The following MARCHF1 variants were observed in gnomAD, a reference collection of about 807,000 sequenced individuals.
MARCHF1 encodes the protein membrane associated ring-CH-type finger 1.
Under a neutral mutation model 54.2 loss-of-function variants are expected in MARCHF1, and 40 were observed. The ratio of observed to expected loss-of-function variants is 0.74; its 90% CI spans 0.57 to 0.96. The LOEUF (loss-of-function observed/expected upper bound fraction) is 0.96. Ranked by LOEUF, MARCHF1 falls within the 40% of genes least tolerant of loss-of-function variation. The probability of loss-of-function intolerance (pLI) is 0.00; values close to 1 mark genes in which losing one functional copy is unlikely to be tolerated. For missense variants in MARCHF1, 586 were observed against 656.5 expected, an observed-to-expected ratio of 0.89 and a Z score of 1.17; for synonymous variants, 236 against 236.3, an observed-to-expected ratio of 1.00 and a Z score of 0.01.
chr4:164,166,098 T>G (rs1346476551), intron 1 of MARCHF1, among the ~76,000 whole-genome samples: 1 of 151,946 alleles, frequency 6.6e-6, no homozygotes, highest in Non-Finnish European at 1.5e-5. Context: ...CAAGACACAC[T>G]CCCACTGGAA....
intron 1 of MARCHF1, among the ~76,000 whole-genome samples, chr4:164,269,723 T>C (rs561045294): frequency 2.0e-5 from 3 of 152,162 alleles, no homozygotes; most frequent in African/African-American, 7.2e-5. Flanking sequence ...ACCTGTAAAA[T>C]TGTCTGAGCA....
intron 5 of MARCHF1, among the ~76,000 whole-genome samples, chr4:163,689,209 A>G (rs979808797): frequency 6.6e-6 from 1 of 152,142 alleles, no homozygotes; most frequent in African/African-American, 2.4e-5. Flanking sequence ...AATCTTCAGT[A>G]TTTCTTGTTA....
At chr4:164,315,231 CAAAAAAAAA>C (rs58264322) in intron 1 of MARCHF1, among the ~76,000 whole-genome samples, 2 of 100,680 alleles carry the variant, frequency 2.0e-5, no homozygotes, top group African/African-American at 3.7e-5. Flanking sequence ...GTTAATTTAA[CAAAAAAAAA>C]AAAAAAAAAA....
chr4:163,555,204 A>G (rs995459572), intron 8 of MARCHF1, among the ~76,000 whole-genome samples: 7 of 152,210 alleles, frequency 4.6e-5, no homozygotes, highest in South Asian at 2.1e-4. Context: ...TTAAAATTGC[A>G]AATTCCTAAG....
intron 3 of MARCHF1, among the ~76,000 whole-genome samples, chr4:163,924,355 T>G (rs1038706287): frequency 1.3e-5 from 2 of 151,994 alleles, no homozygotes; most frequent in Non-Finnish European, 1.5e-5. Context: ...AGAAAAATCA[T>G]GAGCTAAGGA....
At chr4:163,604,160 C>A (rs1343513096) in intron 7 of MARCHF1, among the ~76,000 whole-genome samples, 2 of 152,114 alleles carry the variant, frequency 1.3e-5, no homozygotes, top group Non-Finnish European at 2.9e-5. Context: ...CCTAGCTACT[C>A]AAGACTTCCT....
chr4:164,138,914 T>G (rs946254072), intron 1 of MARCHF1, among the ~76,000 whole-genome samples: 6 of 152,330 alleles, frequency 3.9e-5, no homozygotes, highest in African/African-American at 9.6e-5. Flanking sequence ...TGGTAAGGCA[T>G]GGACACAGCC....
At chr4:163,701,769 C>T (rs1373259538) in intron 4 of MARCHF1, among the ~76,000 whole-genome samples, 2 of 151,890 alleles carry the variant, frequency 1.3e-5, no homozygotes, top group African/African-American at 2.4e-5. Flanking sequence ...ATTCTGAATA[C>T]TAAAAGTTTA....
At chr4:163,622,710 G>A (rs918064801) in intron 5 of MARCHF1, among the ~76,000 whole-genome samples, 1 of 152,182 alleles carries the variant, frequency 6.6e-6, no homozygotes, top group African/African-American at 2.4e-5. Context: ...AGGCCAGACA[G>A]CTAAACGTGG....
intron 3 of MARCHF1, among the ~76,000 whole-genome samples, chr4:163,886,779 A>G (rs1314677266): frequency 6.6e-6 from 1 of 152,136 alleles, no homozygotes; most frequent in Non-Finnish European, 1.5e-5. Context: ...CCTTGATGAT[A>G]ATAAAGTCAA....
rs571569990 is a variant in MARCHF1 at position 164,160,181 on chromosome 4, G to A, written c.-322-48519C>T. On this transcript the variant is annotated intron_variant, in intron 1 of 9. Transcript: ENST00000514618. ...GAAATACAGTCATGTGTCACTTAAC[G>A]ATGGGGATATGTTCTGAGAAATGCA... Among the ~76,000 whole-genome samples, 21 of 152,174 alleles carry A rather than the reference G, an allele frequency of 1.4e-4. No individual in the cohort carries two copies. The South Asian group carries it at 3.9e-3, about 29-fold the overall frequency.
intron 8 of MARCHF1, among the ~76,000 whole-genome samples, chr4:163,577,980 A>T (rs1740093896): frequency 1.3e-5 from 2 of 151,944 alleles, no homozygotes; most frequent in South Asian, 4.1e-4. Flanking sequence ...TTAATTTAAA[A>T]CTCAATCATA....
intron 1 of MARCHF1, among the ~76,000 whole-genome samples, chr4:164,166,948 CTTTATA>C (rs1001785646): frequency 4.6e-5 from 7 of 150,844 alleles, no homozygotes; most frequent in African/African-American, 1.2e-4. Flanking sequence ...ATTTATAAAT[CTTTATA>C]TTTATAAATT....
intron 1 of MARCHF1, among the ~76,000 whole-genome samples, chr4:164,173,400 TG>T (rs1235255933): frequency 1.3e-5 from 2 of 152,236 alleles, no homozygotes; most frequent in Non-Finnish European, 2.9e-5. Context: ...TTGTACTGAA[TG>T]TCATAAGTAC....
chr4:164,149,127 G>A (rs964764685), intron 1 of MARCHF1, among the ~76,000 whole-genome samples: 2 of 152,146 alleles, frequency 1.3e-5, no homozygotes, highest in Admixed American at 6.5e-5. Flanking sequence ...CTCTTGTCAT[G>A]TGATATGCCA....
intron 2 of MARCHF1, among the ~76,000 whole-genome samples, chr4:164,005,953 G>A (rs905900695): frequency 6.6e-6 from 1 of 152,090 alleles, no homozygotes; most frequent in Non-Finnish European, 1.5e-5. Context: ...AAGCAATAAA[G>A]ATTTCCCAAG....
intron 2 of MARCHF1, among the ~76,000 whole-genome samples, chr4:164,028,804 T>C (rs998214064): frequency 2.6e-5 from 4 of 152,212 alleles, no homozygotes; most frequent in African/African-American, 9.6e-5. Context: ...ATACATGCGA[T>C]AGTGATCATC....
chr4:164,291,112 T>C (rs993832502), intron 1 of MARCHF1, among the ~76,000 whole-genome samples: 2 of 152,012 alleles, frequency 1.3e-5, no homozygotes, highest in African/African-American at 4.8e-5. Flanking sequence ...ACTCTGTAGA[T>C]GACAAAGCAT....
intron 4 of MARCHF1, among the ~76,000 whole-genome samples, chr4:163,846,145 G>T (rs1015517221): frequency 4.6e-5 from 7 of 152,130 alleles, no homozygotes; most frequent in African/African-American, 1.7e-4. Flanking sequence ...ACTGATACAT[G>T]ATTGAATAAG....
Sources: gnomAD v4.1 joint callset for allele counts (sites outside exome capture counted in the v4.1 genomes callset) on GRCh38, gnomAD v4.1.1 for gene constraint, MANE v1.5 for transcripts, NCBI Gene and HGNC (gene_info 2026-07-23, HGNC 2026-07-21) for gene names.